Variants in ABL1 observed in about 807,000 individuals in gnomAD.
ABL1 encodes the protein ABL proto-oncogene 1, non-receptor tyrosine kinase.
In ABL1, 11 loss-of-function variants were observed where a neutral mutation model predicts 94.7. That is an observed-to-expected ratio of 0.12 (90% CI 0.07 to 0.19). The LOEUF is 0.19. ABL1 is among the 10% of genes least tolerant of loss of function. The probability of loss-of-function intolerance (pLI) is 1.00; values close to 1 mark genes in which losing one functional copy is unlikely to be tolerated. For missense variants in ABL1, 1,082 were observed against 1,489.4 expected (o/e 0.73, Z 4.50); for synonymous variants, 656 against 622.4 (o/e 1.05, Z -0.80).
At chr9:130,871,976 G>A (rs1391474977) in intron 4 of ABL1, among the ~76,000 whole-genome samples, 153 bp from the exon 5 acceptor site, 2 of 152,402 alleles carry the variant, frequency 1.3e-5, no homozygotes, top group Non-Finnish European at 2.9e-5. Flanking sequence ...CTGGTCAGCT[G>A]TCATGGAACC....
intron 1 of ABL1, among the ~76,000 whole-genome samples, chr9:130,768,563 G>C (rs1832212261): frequency 6.6e-6 from 1 of 152,210 alleles, no homozygotes; most frequent in African/African-American, 2.4e-5. Flanking sequence ...TGGTCTGGGG[G>C]ATGTTGCTTG....
chr9:130,756,264 C>G (rs1482009427), intron 1 of ABL1, among the ~76,000 whole-genome samples: 1 of 152,032 alleles, frequency 6.6e-6, no homozygotes, highest in Admixed American at 6.6e-5. Flanking sequence ...AGAGAGCTTT[C>G]TCATTCGGTT....
chr9:130,774,170 C>G (rs946721299), intron 1 of ABL1, among the ~76,000 whole-genome samples: 12 of 152,162 alleles, frequency 7.9e-5, no homozygotes, highest in African/African-American at 2.9e-4. Context: ...GTTTATTCAT[C>G]TGCTGATGGG....
chr9:130,750,229 A>ATC lies in ABL1; in HGVS notation c.136+35775_136+35776insCT, dbSNP rs1564278661. ...TATATATATATATATATATATATAT[A>ATC]TATATATCCAAGTATAAGTATATAC... On this transcript the variant is annotated intron_variant, in intron 1 of 10. Transcript: ENST00000372348. Among the ~76,000 whole-genome samples, 4 of 116,172 alleles carry ATC rather than the reference A, an allele frequency of 3.4e-5. No homozygotes were observed. In the East Asian group the frequency reaches 8.2e-4, roughly 24 times the overall value. The allele number at this position is 116,172 out of a possible 152,430, so 76.2% of individuals were successfully genotyped here.
At chr9:130,739,452 A>T (rs577306084) in intron 1 of ABL1, among the ~76,000 whole-genome samples, 14 of 152,084 alleles carry the variant, frequency 9.2e-5, no homozygotes, top group Admixed American at 3.3e-4. Flanking sequence ...TGTAAAAAAA[A>T]TTTTTAAGCT....
intron 1 of ABL1, among the ~76,000 whole-genome samples, chr9:130,732,251 C>G (rs2132695891): frequency 6.6e-6 from 1 of 152,244 alleles, no homozygotes; most frequent in East Asian, 1.9e-4. Context: ...CCAGGAACAA[C>G]ATAGCCAACA....
intron 4 of ABL1, among the ~76,000 whole-genome samples, chr9:130,870,331 T>C (rs1292687168): frequency 1.3e-5 from 2 of 152,218 alleles, no homozygotes; most frequent in East Asian, 3.8e-4. Context: ...CATGGGTCTT[T>C]TAGAAGAGGG....
intron 1 of ABL1, among the ~76,000 whole-genome samples, chr9:130,758,685 G>C (rs571167157): frequency 6.6e-6 from 1 of 152,088 alleles, no homozygotes; most frequent in African/African-American, 2.4e-5. Flanking sequence ...CATCCACCTC[G>C]GCCTCCCAAA....
intron 4 of ABL1, among the ~76,000 whole-genome samples, chr9:130,869,716 A>G (rs1376835068): frequency 1.3e-5 from 2 of 152,220 alleles, no homozygotes; most frequent in African/African-American, 4.8e-5. Flanking sequence ...AATTTTCTTC[A>G]GCAAAATGAT....
At chr9:130,808,296 T>C (rs938424709) in intron 1 of ABL1, among the ~76,000 whole-genome samples, 3 of 149,322 alleles carry the variant, frequency 2.0e-5, no homozygotes, top group African/African-American at 7.5e-5. Flanking sequence ...CAGGCTGGAG[T>C]GCAGTGGCAC....
At position 130,751,263 on chromosome 9, in the gene ABL1, T is replaced by G. The variant is rs559556497; in HGVS notation, c.136+36808T>G. 1.7e-4 allele frequency among the ~76,000 whole-genome samples: 24 copies of G among 145,300 alleles called. No individual in the cohort carries two copies. The South Asian group carries it at 4.8e-3, about 29-fold the overall frequency. On this transcript the variant is annotated intron_variant, in intron 1 of 10. Transcript: ENST00000372348. The stretch of plus-strand genomic sequence containing the variant: ...TTCAAGTGATTCTTCTGCCTCAACC[T>G]CCCGAGTAGCTGGGACTACAGGCAC...
Position 130,753,549 on chromosome 9 carries a change from C to T in ABL1, c.136+39094C>T, listed in dbSNP as rs1831996993. On this transcript the variant is annotated intron_variant, in intron 1 of 10. Coordinates refer to the ABL1 transcript ENST00000372348. Reference sequence around the variant, plus strand: ...CAAGCAATTCTCCTGCCTCAGCCTCCCGAGTAGCTGGGATTACAGGCATGT... The same window carrying T: ...CAAGCAATTCTCCTGCCTCAGCCTCTCGAGTAGCTGGGATTACAGGCATGT... Among the ~76,000 whole-genome samples the T allele has an allele frequency of 2.0e-5, 3 of 151,108 alleles. No individual in the cohort carries two copies. In the South Asian group the frequency reaches 6.3e-4, roughly 32 times the overall value.
chr9:130,806,704 T>G (rs185188205), intron 1 of ABL1, among the ~76,000 whole-genome samples: 5 of 152,158 alleles, frequency 3.3e-5, no homozygotes, highest in Admixed American at 3.3e-4. Context: ...TACACAAATA[T>G]AAGTATATAC....
chr9:130,880,617 C>A lies in ABL1; in HGVS notation c.1631C>A (p.Thr544Asn), dbSNP rs778738079. 1.9e-6 allele frequency: 3 copies of A among 1,613,798 alleles called. No homozygotes were observed. In the Admixed American group the frequency reaches 5.0e-5, roughly 27 times the overall value. The change falls in exon 10 of 11, where the codon ACC becomes AAC. Residue 544 changes from threonine (T) to asparagine (N), a missense_variant. Physicochemically the swap from Thr to Asn is moderately conservative, Grantham distance 65 (BLOSUM62 0). Around this residue, in one of 7 missense-constraint regions of ABL1, gnomAD observed 780 missense variants for 835.8 expected, o/e 0.93. Transcript: ENST00000318560. The surrounding 1 kb of genome is among the most constrained non-coding windows in gnomAD (Gnocchi z 4.4). Reference protein sequence around the residue: ...TSRRAAEHRDTTDVPEMPHSK... With the variant: ...TSRRAAEHRDNTDVPEMPHSK... ...AGGAGAGCTGCAGAGCACAGAGACA[C>A]CACTGACGTGCCTGAGATGCCTCAC...
chr9:130,860,051 G>A (rs1831046600), intron 3 of ABL1, among the ~76,000 whole-genome samples: 1 of 152,176 alleles, frequency 6.6e-6, no homozygotes, highest in South Asian at 2.1e-4. Flanking sequence ...AGAGGCAGCA[G>A]CCCTGACTGA....
At position 130,863,121 on chromosome 9, in the gene ABL1, C is replaced by A; in HGVS notation, c.822+86C>A. 1 of 1,421,456 alleles carries A rather than the reference C, an allele frequency of 7.0e-7. No homozygotes were observed. Among genetic ancestry groups the A allele is most frequent in the South Asian group, 1.5e-5 (1 of 68,816 alleles). The allele number at this position is 1,421,456 out of a possible 1,614,324, so 88.1% of individuals were successfully genotyped here. A position where few individuals can be genotyped will look rare whatever the true frequency, so the allele number is the denominator to read the frequency against. ...GCGATGCATCTGCCTGGAAGTCTACCTCCTGCCTGCTGTCCGAGGGCTTCA... is the reference window on the plus strand; with the variant it reads ...GCGATGCATCTGCCTGGAAGTCTACATCCTGCCTGCTGTCCGAGGGCTTCA... On this transcript the variant is annotated intron_variant, in intron 4 of 10. Transcript: ENST00000318560. This position sits in a 1 kb window ranked among gnomAD's most constrained non-coding sequence, Gnocchi z 4.3.
At chr9:130,750,440 C>T (rs1301411832) in intron 1 of ABL1, among the ~76,000 whole-genome samples, 13 of 86,334 alleles carry the variant, frequency 1.5e-4, no homozygotes, top group Non-Finnish European at 2.6e-4. Flanking sequence ...TCCCTCCCTC[C>T]CTCCCTCCTT....
intron 3 of ABL1, among the ~76,000 whole-genome samples, chr9:130,857,585 A>G (rs1830995250): frequency 6.6e-6 from 1 of 150,538 alleles, no homozygotes; most frequent in African/African-American, 2.4e-5. Context: ...CTATGGCTTC[A>G]TACCATGTTG....
chr9:130,871,905 G>A (rs1831256902), intron 4 of ABL1, among the ~76,000 whole-genome samples: 1 of 152,270 alleles, frequency 6.6e-6, no homozygotes, highest in Non-Finnish European at 1.5e-5. Context: ...TTGCCCTGTT[G>A]CCTGGGGGAG....
Sources: gnomAD v4.1 joint callset for allele counts (sites outside exome capture counted in the v4.1 genomes callset) on GRCh38, gnomAD v4.1.1 for gene constraint, gnomAD v4.1.1 regional missense constraint, Gnocchi (gnomAD v3.1) non-coding constraint, MANE v1.5 for transcripts, NCBI Gene and HGNC (gene_info 2026-07-23, HGNC 2026-07-21) for gene names.